Variants in KIF6 observed in about 807,000 individuals in gnomAD.
KIF6 encodes the protein kinesin-like protein KIF6.
KIF6 carries 106 observed loss-of-function variants against 112.7 expected under a neutral mutation model. The observed-to-expected ratio is 0.94, with a 90% CI of 0.80 to 1.11. The LOEUF (loss-of-function observed/expected upper bound fraction) is 1.11, where lower values mean the gene tolerates loss of function less well. Among genes scored for constraint, KIF6 ranks in the 50% least tolerant of loss-of-function variants. The pLI, the probability that KIF6 is intolerant of heterozygous loss-of-function variation, is 0.00. For synonymous variants in KIF6, 339 were observed against 339.9 expected (o/e 1.00, Z 0.03); for missense variants, 929 against 964.0 (o/e 0.96, Z 0.48).
At chr6:39,354,435 G>A (rs184520251) in intron 19 of KIF6, among the ~76,000 whole-genome samples, 1 of 152,284 alleles carries the variant, frequency 6.6e-6, no homozygotes, top group Admixed American at 6.5e-5. Flanking sequence ...AAGAAGTTAT[G>A]TCCTTACCTC....
Position 39,552,837 on chromosome 6 carries a change from A to G in KIF6, c.1182-7149T>C, listed in dbSNP as rs368201974. ...TGGGATGTGGCCCTTTAAAACATAC[A>G]GTATTGAGATAGCAGGTAATGCACA... On this transcript the variant is annotated intron_variant, in intron 10 of 22. Transcript: ENST00000287152. Among the ~76,000 whole-genome samples the G allele has an allele frequency of 7.2e-5, 11 of 152,322 alleles. No individual in the cohort carries two copies. In the East Asian group the frequency reaches 1.7e-3, roughly 24 times the overall value.
intron 3 of KIF6, among the ~76,000 whole-genome samples, chr6:39,644,356 G>A (rs1475717365): frequency 6.6e-6 from 1 of 152,048 alleles, no homozygotes; most frequent in Admixed American, 6.6e-5. Flanking sequence ...ACAAAAATTT[G>A]TAGTGAATGT....
At chr6:39,337,289 T>G (rs1476506206) in intron 22 of KIF6, among the ~76,000 whole-genome samples, 1 of 133,022 alleles carries the variant, frequency 7.5e-6, no homozygotes, top group Non-Finnish European at 1.6e-5. Context: ...CCTTCCCCTC[T>G]TCCTTCCTTC....
chr6:39,424,098 C>A (rs146170195), intron 14 of KIF6, among the ~76,000 whole-genome samples: 1 of 152,326 alleles, frequency 6.6e-6, no homozygotes, highest in East Asian at 1.9e-4. Context: ...CCAGCTTCTT[C>A]TCTTCCATCC....
At chr6:39,429,234 G>A (rs766002306) in intron 14 of KIF6, among the ~76,000 whole-genome samples, 13 of 152,026 alleles carry the variant, frequency 8.6e-5, no homozygotes, top group Admixed American at 1.3e-4. Context: ...TCCTTCTTCC[G>A]GGTCTACCTT....
rs1782256771 is a variant in KIF6, at chr6:39,596,232, G to A, written c.668C>T (p.Ser223Phe). The change falls in exon 7 of 23, where the codon TCC becomes TTC. Residue 223 changes from serine to phenylalanine, a missense_variant. Ser to Phe is a radical substitution (Grantham distance 155, BLOSUM62 -2). This residue lies in a region of KIF6 where 688 missense variants were observed against 662.7 expected (regional missense o/e 1.04). Transcript: ENST00000287152. ...CAAATGAATGGTGAAAATGCAGTGG[G>A]AACGGGTTGAAGCTTGGTTCATAGG... ...ETPMNQASTR[S>F]HCIFTIHLSS... The A allele has an allele frequency of 1.2e-6, 2 of 1,613,934 alleles. No individual in the cohort carries two copies. Among genetic ancestry groups the A allele is most frequent in the South Asian group, 2.2e-5 (2 of 91,074 alleles).
rs146811121 is a variant in KIF6, at chr6:39,400,132, T to C, written c.1811-14460A>G. Among the ~76,000 whole-genome samples the C allele has an allele frequency of 4.8e-3, 729 of 152,176 alleles. 4 individuals are homozygous for C. The highest frequency in any genetic ancestry group is 0.013 in the African/African-American group (532 of 41,518). ...CAGGAGGGACTTTGGCCATAATATT[T>C]TGGGAATAAGAAGGAGACGCACCCT... On this transcript the variant is annotated intron_variant, in intron 15 of 22. Transcript: ENST00000287152.
At chr6:39,556,269 GACTT>G (rs1422030663) in intron 10 of KIF6, among the ~76,000 whole-genome samples, 49 of 152,276 alleles carry the variant, frequency 3.2e-4, no homozygotes, top group African/African-American at 1.0e-3. Context: ...ATAAGAAACT[GACTT>G]ACAGGAAAGA....
chr6:39,343,194 T>G lies in KIF6; in HGVS notation c.2428+515A>C. 8.2e-7 allele frequency: 1 copy of G among 1,212,694 alleles called. No homozygotes were observed. The highest frequency in any genetic ancestry group is 1.0e-6 in the Non-Finnish European group (1 of 954,190). The allele number at this position is 1,212,694 out of a possible 1,614,324, so 75.1% of individuals were successfully genotyped here. A position where few individuals can be genotyped will look rare whatever the true frequency, so the allele number is the denominator to read the frequency against. Reference sequence around the variant, plus strand: ...CAGACCAAGAAGAGCCTTCTTCTCTTCCTGTTGTCTGACACGCCACTCTTA... The same window carrying G: ...CAGACCAAGAAGAGCCTTCTTCTCTGCCTGTTGTCTGACACGCCACTCTTA... On this transcript the variant is annotated intron_variant, in intron 22 of 22. Transcript: ENST00000287152. The surrounding 1 kb of genome is among the most constrained non-coding windows in gnomAD (Gnocchi z 4.1).
chr6:39,532,921 T>C (rs1268778718), intron 13 of KIF6, among the ~76,000 whole-genome samples: 2 of 152,180 alleles, frequency 1.3e-5, no homozygotes, highest in Non-Finnish European at 2.9e-5. Flanking sequence ...GTGCACATCA[T>C]GCTCTGCTGG....
intron 10 of KIF6, among the ~76,000 whole-genome samples, chr6:39,553,321 T>C (rs535368030): frequency 6.6e-6 from 1 of 152,356 alleles, no homozygotes; most frequent in Non-Finnish European, 1.5e-5. Flanking sequence ...GGTAAATTCA[T>C]CTTAGTAATG....
At chr6:39,627,053 AG>A (rs910218262) in intron 5 of KIF6, among the ~76,000 whole-genome samples, 4 of 152,138 alleles carry the variant, frequency 2.6e-5, no homozygotes, top group Non-Finnish European at 4.4e-5. Flanking sequence ...AAAATCTCCA[AG>A]GGCTACACCT....
rs1220280070 is a variant in KIF6 at position 39,720,801 on chromosome 6, A to G, written c.77T>C (p.Ile26Thr). ...AGGTATTAATTTTTCATCTTCATCT[A>G]TGGAATAAATCTGCAAATGTGAAGA... ...VRKHQQGIYS[I>T]DEDEKLIPSL... The change falls in exon 2 of 23, where the codon ATA becomes ACA. Residue 26 changes from isoleucine (I) to threonine (T), a missense_variant. Around this residue, in one of 2 missense-constraint regions of KIF6, gnomAD observed 688 missense variants for 662.7 expected, o/e 1.04. Coordinates refer to ENST00000287152, the MANE Select transcript of KIF6 (RefSeq NM_145027.6). The G allele has an allele frequency of 2.6e-6, 4 of 1,531,042 alleles. No individual in the cohort carries two copies. The South Asian group carries it at 3.4e-5, about 13-fold the overall frequency. The allele number at this position is 1,531,042 out of a possible 1,614,324, so 94.8% of individuals were successfully genotyped here.
intron 6 of KIF6, among the ~76,000 whole-genome samples, chr6:39,602,871 A>G (rs539385001): frequency 3.3e-4 from 51 of 152,284 alleles, no homozygotes; most frequent in African/African-American, 9.4e-4. Context: ...AAGCCTACTC[A>G]AAATTCATTT....
intron 3 of KIF6, among the ~76,000 whole-genome samples, chr6:39,696,568 T>C (rs1788551303): frequency 6.6e-6 from 1 of 152,042 alleles, no homozygotes; most frequent in Non-Finnish European, 1.5e-5. Context: ...TAAGTCACTA[T>C]TGTCTTAAGT....
At chr6:39,508,979 G>C (rs1435562518) in intron 13 of KIF6, among the ~76,000 whole-genome samples, 1 of 152,074 alleles carries the variant, frequency 6.6e-6, no homozygotes, top group African/African-American at 2.4e-5. Flanking sequence ...AGTAGGGGCC[G>C]ACAGACACCT....
At chr6:39,701,924 A>G (rs1053908675) in intron 3 of KIF6, among the ~76,000 whole-genome samples, 3 of 152,228 alleles carry the variant, frequency 2.0e-5, no homozygotes, top group Admixed American at 6.5e-5. Context: ...ATCTTTACTC[A>G]GGTCAACAAA....
intron 13 of KIF6, among the ~76,000 whole-genome samples, chr6:39,526,988 T>C (rs1459921829): frequency 1.3e-5 from 2 of 152,244 alleles, no homozygotes; most frequent in Non-Finnish European, 2.9e-5. Context: ...TTTCTCTGGT[T>C]GCTTTATGAG....
intron 13 of KIF6, among the ~76,000 whole-genome samples, chr6:39,513,925 CA>C (rs1365659422): frequency 3.9e-5 from 6 of 151,900 alleles, no homozygotes; most frequent in Non-Finnish European, 8.8e-5. Context: ...AATAATATTA[CA>C]AAAAAAGTTT....
Sources: gnomAD v4.1 joint callset for allele counts (sites outside exome capture counted in the v4.1 genomes callset) on GRCh38, gnomAD v4.1.1 for gene constraint, gnomAD v4.1.1 regional missense constraint, Gnocchi (gnomAD v3.1) non-coding constraint, MANE v1.5 for transcripts, NCBI Gene and HGNC (gene_info 2026-07-23, HGNC 2026-07-21) for gene names.